COLEC10: variants seen among roughly 807,000 people sequenced by gnomAD.
COLEC10 encodes collectin subfamily member 10, also known as collectin-10.
COLEC10 carries 22 observed loss-of-function variants against 28.4 expected under a neutral mutation model. The ratio of observed to expected loss-of-function variants is 0.78; its 90% CI spans 0.55 to 1.11. COLEC10 has a LOEUF of 1.11. Among genes scored for constraint, COLEC10 ranks in the 50% least tolerant of loss-of-function variants. The pLI, the probability that COLEC10 is intolerant of heterozygous loss-of-function variation, is 0.00. For missense variants in COLEC10, 361 were observed against 344.1 expected (o/e 1.05, Z -0.39); for synonymous variants, 125 against 116.1 (o/e 1.08, Z -0.49).
chr8:119,038,999 A>G (rs1465453150), intron 2 of COLEC10, among the ~76,000 whole-genome samples: 2 of 152,094 alleles, frequency 1.3e-5, no homozygotes, highest in Admixed American at 1.3e-4. Flanking sequence ...TTGTCTTACT[A>G]TTAGCATTAA....
chr8:119,078,113 A>G (rs557386634), intron 1 of COLEC10, among the ~76,000 whole-genome samples: 2 of 152,336 alleles, frequency 1.3e-5, no homozygotes, highest in African/African-American at 2.4e-5. Flanking sequence ...ATCCTCCTAC[A>G]TGACCCAAAC....
chr8:118,970,611 G>A, the COLEC10 span, among the ~76,000 whole-genome samples: 1 of 150,590 alleles, frequency 6.6e-6, no homozygotes, highest in African/African-American at 2.5e-5. Flanking sequence ...ATATGTTTAT[G>A]CCTTTTCTTT....
the COLEC10 span, among the ~76,000 whole-genome samples, chr8:118,954,628 A>G: frequency 6.6e-6 from 1 of 152,224 alleles, no homozygotes; most frequent in African/African-American, 2.4e-5. Flanking sequence ...CACCAGATAT[A>G]TGTGACGCTA....
chr8:119,073,852 T>G (rs531609633), intron 1 of COLEC10, among the ~76,000 whole-genome samples: 2 of 152,108 alleles, frequency 1.3e-5, no homozygotes, highest in East Asian at 3.9e-4. Context: ...CATAGTAATA[T>G]GCATTTATAT....
chr8:119,057,755 A>G (rs1450109539), intron 2 of COLEC10, among the ~76,000 whole-genome samples: 2 of 152,084 alleles, frequency 1.3e-5, no homozygotes, highest in African/African-American at 2.4e-5. Context: ...TGCCTATACA[A>G]TTATTCATTC....
At chr8:118,973,297 A>G in the COLEC10 span, among the ~76,000 whole-genome samples, 1 of 152,130 alleles carries the variant, frequency 6.6e-6, no homozygotes, top group East Asian at 1.9e-4. Context: ...TCTATGGGTC[A>G]GGAGTCTTGG....
chr8:119,060,670 G>C (rs1814840052), intron 2 of COLEC10, among the ~76,000 whole-genome samples: 2 of 152,114 alleles, frequency 1.3e-5, no homozygotes, highest in Admixed American at 1.3e-4. Context: ...ATTGGAGTAT[G>C]CTAAATAAAT....
the COLEC10 span, among the ~76,000 whole-genome samples, chr8:118,971,475 T>G: frequency 7.2e-5 from 11 of 152,064 alleles, no homozygotes; most frequent in South Asian, 2.3e-3. Context: ...TCTTCCTCAA[T>G]ATAGCCTAAT....
At chr8:119,000,063 C>T (rs1656096062) in intron 1 of COLEC10, among the ~76,000 whole-genome samples, 1 of 152,020 alleles carries the variant, frequency 6.6e-6, no homozygotes, top group South Asian at 2.1e-4. Flanking sequence ...AAAGAAAGAG[C>T]ATAGTGCTGA....
intron 2 of COLEC10, among the ~76,000 whole-genome samples, chr8:119,024,704 C>A (rs1814157632): frequency 6.6e-6 from 1 of 152,074 alleles, no homozygotes; most frequent in Admixed American, 6.6e-5. Context: ...TTATATAATA[C>A]CCAAGAGGAA....
At chr8:119,057,543 C>T (rs1446780780) in intron 2 of COLEC10, among the ~76,000 whole-genome samples, 1 of 152,042 alleles carries the variant, frequency 6.6e-6, no homozygotes, top group African/African-American at 2.4e-5. Flanking sequence ...ACACTAATGA[C>T]AACTACTATT....
At chr8:119,075,892 C>CTTT (rs35870985) in intron 1 of COLEC10, among the ~76,000 whole-genome samples, 461 of 82,446 alleles carry the variant, frequency 5.6e-3, no homozygotes, top group African/African-American at 7.1e-3. Context: ...TCAGCCATAT[C>CTTT]TTTTTTTTTT....
At chr8:119,060,532 G>C (rs902134872) in intron 2 of COLEC10, among the ~76,000 whole-genome samples, 1 of 152,040 alleles carries the variant, frequency 6.6e-6, no homozygotes, top group Non-Finnish European at 1.5e-5. Flanking sequence ...GGACATCTAG[G>C]GATATCAGCC....
At position 119,049,411 on chromosome 8, in the gene COLEC10, T is replaced by A. The variant is rs993836449; in HGVS notation, n.235+39858T>A. Among the ~76,000 whole-genome samples, 3 of 102,712 alleles carry A rather than the reference T, an allele frequency of 2.9e-5. No individual in the cohort carries two copies. The East Asian group carries it at 6.9e-4, about 23-fold the overall frequency. 67.4% of individuals were successfully genotyped at this position (102,712 alleles called of 152,430 possible). ...TAGGTATTTTCTTTTCTTTTTTTTTTTTTTTTTTTTTTTTTTTTTTTGAGA... is the reference window on the plus strand; with the variant it reads ...TAGGTATTTTCTTTTCTTTTTTTTTATTTTTTTTTTTTTTTTTTTTTGAGA... On this transcript the variant is annotated intron_variant and non_coding_transcript_variant, in intron 2 of 6. Coordinates refer to the COLEC10 transcript ENST00000521788.
At chr8:119,039,446 G>A (rs1417190699) in intron 2 of COLEC10, among the ~76,000 whole-genome samples, 1 of 152,158 alleles carries the variant, frequency 6.6e-6, no homozygotes, top group African/African-American at 2.4e-5. Flanking sequence ...ACATCTGTCT[G>A]ATTTCTTGTT....
chr8:119,048,111 A>C (rs991686921), intron 2 of COLEC10, among the ~76,000 whole-genome samples: 2 of 152,154 alleles, frequency 1.3e-5, no homozygotes, highest in African/African-American at 4.8e-5. Context: ...CCTAGTACCC[A>C]ATAGGTAATT....
chr8:119,088,487 A>G (rs976389019), intron 1 of COLEC10, among the ~76,000 whole-genome samples: 5 of 152,194 alleles, frequency 3.3e-5, no homozygotes, highest in African/African-American at 1.2e-4. Context: ...AAAAAGAGAC[A>G]ATCTCTGGTC....
intron 5 of COLEC10, 52 bp from the exon 6 acceptor site, chr8:119,105,748 G>T: frequency 6.8e-7 from 1 of 1,470,406 alleles, no homozygotes; most frequent in South Asian, 1.3e-5. Context: ...TAATTTTGTT[G>T]CCTTTTATCT....
chr8:119,061,890 T>C (rs992700953), intron 2 of COLEC10, among the ~76,000 whole-genome samples: 3 of 152,106 alleles, frequency 2.0e-5, no homozygotes, highest in African/African-American at 7.2e-5. Flanking sequence ...GTTTGAGGGT[T>C]CCCAAAGAAA....
Sources: gnomAD v4.1 joint callset for allele counts (sites outside exome capture counted in the v4.1 genomes callset) on GRCh38, gnomAD v4.1.1 for gene constraint, MANE v1.5 for transcripts, NCBI Gene and HGNC (gene_info 2026-07-23, HGNC 2026-07-21) for gene names.